BICD2: variants seen among roughly 807,000 people sequenced by gnomAD.
BICD2 encodes BICD cargo adaptor 2.
In BICD2, 25 loss-of-function variants were observed where a neutral mutation model predicts 72.9. The observed-to-expected ratio is 0.34, with a 90% CI of 0.25 to 0.48. BICD2 has a LOEUF of 0.48. BICD2 is among the 20% of genes least tolerant of loss of function. The pLI is 0.99. For synonymous variants in BICD2, 501 were observed against 516.1 expected (o/e 0.97, Z 0.40); for missense variants, 894 against 1,175.2 (o/e 0.76, Z 3.50).
intron 1 of BICD2, among the ~76,000 whole-genome samples, chr9:92,754,657 T>C (rs933728106): frequency 2.0e-5 from 3 of 152,230 alleles, no homozygotes; most frequent in African/African-American, 7.2e-5. Flanking sequence ...GAAGATTTCA[T>C]GGACATTTAT....
intron 1 of BICD2, among the ~76,000 whole-genome samples, chr9:92,729,586 GC>G (rs1445948652): frequency 6.6e-6 from 1 of 152,226 alleles, no homozygotes; most frequent in South Asian, 2.1e-4. Flanking sequence ...CTCCCACACA[GC>G]CCCCACCTTC....
chr9:92,764,531 G>C lies in BICD2; in HGVS notation c.214C>G (p.Arg72Gly), dbSNP rs909189054. ...TCCTTGAGCTGCTCCATCTCGCTGCGGATAGCCTCATAGTCCACCTCGAGC... is the reference window on the plus strand; with the variant it reads ...TCCTTGAGCTGCTCCATCTCGCTGCCGATAGCCTCATAGTCCACCTCGAGC... Reference protein sequence around the residue: ...EELEVDYEAIRSEMEQLKEAF... With the variant: ...EELEVDYEAIGSEMEQLKEAF... Residue 72 changes from arginine to glycine, a missense_variant, in exon 1 of 7, where the codon CGC becomes GGC. By Grantham distance (125) the Arg-to-Gly change is moderately radical (BLOSUM62 -2). Around this residue, in one of 5 missense-constraint regions of BICD2, gnomAD observed 192 missense variants for 243.6 expected, o/e 0.79. Coordinates refer to ENST00000356884, the MANE Select transcript of BICD2 (RefSeq NM_001003800.2). The surrounding 1 kb of genome is among the most constrained non-coding windows in gnomAD (Gnocchi z 5.5). 6.5e-7 allele frequency: 1 copy of C among 1,538,460 alleles called. No individual in the cohort carries two copies. Among genetic ancestry groups the C allele is most frequent in the Non-Finnish European group, 8.8e-7 (1 of 1,142,116 alleles).
rs371954715 is a variant in BICD2 at position 92,722,143 on chromosome 9, C to G, written c.606+513G>C. Among the ~76,000 whole-genome samples the G allele has an allele frequency of 2.6e-5, 4 of 152,202 alleles. No individual in the cohort carries two copies. The East Asian group carries it at 5.8e-4, about 22-fold the overall frequency. On this transcript the variant is annotated intron_variant, in intron 3 of 6. Coordinates refer to ENST00000356884, the MANE Select transcript of BICD2 (RefSeq NM_001003800.2). Reference sequence around the variant, plus strand: ...AGCACATGACAATTTAGTCACATCACAAAGAGAAGGGACCCTCCTTATTCA... The same window carrying G: ...AGCACATGACAATTTAGTCACATCAGAAAGAGAAGGGACCCTCCTTATTCA...
At chr9:92,742,170 G>A (rs1047708386) in intron 1 of BICD2, among the ~76,000 whole-genome samples, 7 of 152,182 alleles carry the variant, frequency 4.6e-5, no homozygotes, top group African/African-American at 1.7e-4. Flanking sequence ...GAAGGAAGCT[G>A]CCTCAAATCT....
chr9:92,738,929 C>A (rs1853842399), intron 1 of BICD2, among the ~76,000 whole-genome samples: 2 of 152,246 alleles, frequency 1.3e-5, no homozygotes, highest in South Asian at 2.1e-4. Context: ...TCCAGCACCA[C>A]CCACTCATAG....
intron 1 of BICD2, among the ~76,000 whole-genome samples, chr9:92,740,446 A>G (rs1309724302): frequency 6.6e-6 from 1 of 152,188 alleles, no homozygotes; most frequent in Non-Finnish European, 1.5e-5. Flanking sequence ...ATACAGAACA[A>G]AACAACGGGA....
chr9:92,735,611 C>T (rs1564066681), intron 1 of BICD2, among the ~76,000 whole-genome samples: 1 of 151,446 alleles, frequency 6.6e-6, no homozygotes, highest in African/African-American at 2.4e-5. Context: ...AGGGCTTTGT[C>T]AAGCAGAGGA....
At chr9:92,741,000 T>G (rs1853887360) in intron 1 of BICD2, among the ~76,000 whole-genome samples, 1 of 152,156 alleles carries the variant, frequency 6.6e-6, no homozygotes, top group South Asian at 2.1e-4. Flanking sequence ...AGTGTCCCTG[T>G]CCACAACCAT....
At chr9:92,748,677 G>A (rs561032467) in intron 1 of BICD2, among the ~76,000 whole-genome samples, 1 of 152,162 alleles carries the variant, frequency 6.6e-6, no homozygotes, top group South Asian at 2.1e-4. Flanking sequence ...CCCCAGCTGG[G>A]TGGGGATGCT....
At chr9:92,728,612 G>C (rs960583132) in intron 2 of BICD2, among the ~76,000 whole-genome samples, 3 of 152,230 alleles carry the variant, frequency 2.0e-5, no homozygotes, top group Admixed American at 2.0e-4. Flanking sequence ...TCTTATTACA[G>C]CTGGGCACAG....
intron 1 of BICD2, among the ~76,000 whole-genome samples, chr9:92,763,936 C>T (rs550763652): frequency 1.3e-3 from 199 of 152,348 alleles, no homozygotes; most frequent in Non-Finnish European, 2.0e-3. Context: ...CCCCGAGCCC[C>T]TACTCACTTA....
At chr9:92,726,482 C>G (rs1853570411) in intron 2 of BICD2, among the ~76,000 whole-genome samples, 1 of 152,126 alleles carries the variant, frequency 6.6e-6, no homozygotes, top group Non-Finnish European at 1.5e-5. Context: ...GAAAGCCACG[C>G]TGGGGGTGGG....
rs570342875 is a variant in BICD2 at position 92,757,753 on chromosome 9, T to C, written c.240+6752A>G. 3.3e-5 allele frequency among the ~76,000 whole-genome samples: 5 copies of C among 151,946 alleles called. No homozygotes were observed. The South Asian group carries it at 6.2e-4, about 19-fold the overall frequency. ...TATTTTCTTAGCAAAACAACTGATA[T>C]ACTTACAGACACAGCTACACAGGAT... is the stretch of plus-strand genomic sequence containing the variant. On this transcript the variant is annotated intron_variant, in intron 1 of 6. Coordinates refer to ENST00000356884, the MANE Select transcript of BICD2 (RefSeq NM_001003800.2).
chr9:92,713,667 C>G lies in BICD2; in HGVS notation c.*1487G>C. 1 of 1,438,878 alleles carries G rather than the reference C, an allele frequency of 6.9e-7. No individual in the cohort carries two copies. 89.1% of individuals were successfully genotyped at this position (1,438,878 alleles called of 1,614,324 possible). Reference sequence around the variant, plus strand: ...GGAGAGAAGCTATGTGCCAGGCTTGCAAGGAGAGGGCAAAGCGCATGCAGG... The same window carrying G: ...GGAGAGAAGCTATGTGCCAGGCTTGGAAGGAGAGGGCAAAGCGCATGCAGG... On this transcript the variant is annotated 3_prime_UTR_variant, in exon 7 of 7. Transcript: ENST00000356884.
intron 6 of BICD2, 60 bp downstream of exon 6, chr9:92,717,737 G>A: frequency 6.6e-7 from 1 of 1,519,846 alleles, no homozygotes; most frequent in Admixed American, 2.1e-5. Flanking sequence ...GGGTTCCAGA[G>A]GCAAGTGCTG....
chr9:92,724,975 G>A (rs1486622754), intron 2 of BICD2, among the ~76,000 whole-genome samples: 1 of 152,224 alleles, frequency 6.6e-6, no homozygotes, highest in African/African-American at 2.4e-5. Flanking sequence ...AAGCTGAGGG[G>A]AAGGTCTGAG....
At position 92,720,868 on chromosome 9, in the gene BICD2, A is replaced by T. The variant is rs550499192; in HGVS notation, c.607-113T>A. 5.6e-4 allele frequency: 650 copies of T among 1,151,840 alleles called. 3 individuals carry two copies. The highest frequency in any genetic ancestry group is 1.5e-4 in the Non-Finnish European group (126 of 831,584). The allele number at this position is 1,151,840 out of a possible 1,614,324, so 71.4% of individuals were successfully genotyped here. Reference sequence around the variant, plus strand: ...AACTCCGGCCACTATGAAGCAAAAGATGAAGCGCCAGGTGAGGTGCCATCC... The same window carrying T: ...AACTCCGGCCACTATGAAGCAAAAGTTGAAGCGCCAGGTGAGGTGCCATCC... On this transcript the variant is annotated intron_variant, in intron 3 of 6. Transcript: ENST00000356884. The surrounding 1 kb of genome is among the most constrained non-coding windows in gnomAD (Gnocchi z 5.4).
intron 1 of BICD2, among the ~76,000 whole-genome samples, chr9:92,754,121 G>A (rs1419556237): frequency 6.8e-6 from 1 of 146,882 alleles, no homozygotes; most frequent in Non-Finnish European, 1.5e-5. Flanking sequence ...CTCCAGCCTG[G>A]GCGAGAGAGC....
chr9:92,756,423 G>A (rs536999729), intron 1 of BICD2, among the ~76,000 whole-genome samples: 66 of 151,824 alleles, frequency 4.3e-4, no homozygotes, highest in African/African-American at 1.1e-3. Flanking sequence ...CACCAAGCCC[G>A]GCTAATTTTT....
Sources: allele counts gnomAD v4.1 joint callset (sites outside exome capture counted in the v4.1 genomes callset), GRCh38; gene constraint gnomAD v4.1.1; regional missense constraint gnomAD v4.1.1; non-coding constraint Gnocchi (gnomAD v3.1); transcripts MANE v1.5; gene names NCBI Gene and HGNC (gene_info 2026-07-23, HGNC 2026-07-21).